The following ADAMTS6 variants were observed in gnomAD, a reference collection of about 807,000 sequenced individuals.
ADAMTS6 encodes ADAM metallopeptidase with thrombospondin type 1 motif 6.
In ADAMTS6, 23 loss-of-function variants were observed where a neutral mutation model predicts 144.3. That is an observed-to-expected ratio of 0.16 (90% CI 0.11 to 0.23). ADAMTS6 has a LOEUF of 0.23. ADAMTS6 is among the 10% of genes least tolerant of loss of function. The pLI, the probability that ADAMTS6 is intolerant of heterozygous loss-of-function variation, is 1.00. For missense variants in ADAMTS6, 999 were observed against 1,379.6 expected (o/e 0.72, Z 4.37); for synonymous variants, 444 against 457.5 (o/e 0.97, Z 0.38).
intron 20 of ADAMTS6, chr5:65,211,061 A>G (rs1044934555): frequency 6.5e-6 from 1 of 154,068 alleles, no homozygotes; most frequent in African/African-American, 2.4e-5. Flanking sequence ...GACTTCTTGA[A>G]GGGTTTCTTA....
intron 14 of ADAMTS6, among the ~76,000 whole-genome samples, chr5:65,252,089 C>A (rs1418916333): frequency 6.6e-6 from 1 of 151,936 alleles, no homozygotes; most frequent in Non-Finnish European, 1.5e-5. Flanking sequence ...TTAACCTAAG[C>A]AAAAAAGAGT....
intron 7 of ADAMTS6, among the ~76,000 whole-genome samples, chr5:65,402,964 C>A (rs1198206072): frequency 6.6e-6 from 1 of 152,014 alleles, no homozygotes; most frequent in Non-Finnish European, 1.5e-5. Flanking sequence ...ACTTCCTTTT[C>A]TTCCTTTTTT....
chr5:65,279,226 T>C (rs1379446160), intron 11 of ADAMTS6, among the ~76,000 whole-genome samples: 2 of 152,192 alleles, frequency 1.3e-5, no homozygotes, highest in Non-Finnish European at 1.5e-5. Flanking sequence ...ATTACAGGCA[T>C]GAGCCACCGT....
chr5:65,285,337 C>CG (rs1763280717), intron 11 of ADAMTS6, among the ~76,000 whole-genome samples: 1 of 152,112 alleles, frequency 6.6e-6, no homozygotes, highest in Non-Finnish European at 1.5e-5. Flanking sequence ...CACAGGCTCT[C>CG]GGTCTTCCCA....
chr5:65,446,619 C>A (rs1167649109), intron 7 of ADAMTS6, among the ~76,000 whole-genome samples: 1 of 151,962 alleles, frequency 6.6e-6, no homozygotes, highest in African/African-American at 2.4e-5. Context: ...AGAATTTAGG[C>A]CAATAAGAGG....
At chr5:65,352,516 G>GT (rs1403629311) in intron 7 of ADAMTS6, among the ~76,000 whole-genome samples, 1 of 151,696 alleles carries the variant, frequency 6.6e-6, no homozygotes, top group African/African-American at 2.4e-5. Context: ...TAATACTTCG[G>GT]TAAAAAAAAA....
At chr5:65,261,944 T>G (rs1761230920) in intron 13 of ADAMTS6, among the ~76,000 whole-genome samples, 2 of 133,380 alleles carry the variant, frequency 1.5e-5, no homozygotes, top group Admixed American at 1.6e-4. Context: ...TATTTCAGAA[T>G]GAGAAAAAAA....
intron 11 of ADAMTS6, among the ~76,000 whole-genome samples, chr5:65,282,099 C>T (rs1448923450): frequency 6.6e-5 from 10 of 151,968 alleles, no homozygotes; most frequent in East Asian, 1.9e-4. Context: ...TTTATTGTGT[C>T]GGCAAAAAAG....
chr5:65,376,554 C>T lies in ADAMTS6; in HGVS notation c.1074-42469G>A, dbSNP rs187215729. Among the ~76,000 whole-genome samples the T allele has an allele frequency of 1.4e-4, 22 of 152,136 alleles. No individual in the cohort carries two copies. In the East Asian group the frequency reaches 4.1e-3, roughly 28 times the overall value. On this transcript the variant is annotated intron_variant, in intron 7 of 24. Transcript: ENST00000381055. ...TGCACTTAAAACAGCTTTACAGGCC[C>T]GGCATGGTGGCTCATGCCTGTAATC...
chr5:65,215,056 A>C, intron 19 of ADAMTS6, 124 bp from the exon 20 acceptor site: 1 of 1,229,544 alleles, frequency 8.1e-7, no homozygotes, highest in Non-Finnish European at 1.1e-6. Context: ...TATAAAACAC[A>C]TGCATTTATA....
intron 14 of ADAMTS6, among the ~76,000 whole-genome samples, chr5:65,249,158 G>A (rs1759923438): frequency 6.6e-6 from 1 of 152,068 alleles, no homozygotes. Flanking sequence ...CTCTAAAAGT[G>A]ATAAACTGGC....
intron 4 of ADAMTS6, among the ~76,000 whole-genome samples, chr5:65,456,892 GA>G (rs899993658): frequency 6.6e-6 from 1 of 152,028 alleles, no homozygotes; most frequent in African/African-American, 2.4e-5. Context: ...AATTAGAATA[GA>G]AAAAAATAAT....
intron 9 of ADAMTS6, among the ~76,000 whole-genome samples, chr5:65,303,358 C>A (rs1743619769): frequency 6.6e-6 from 1 of 151,982 alleles, no homozygotes; most frequent in Non-Finnish European, 1.5e-5. Context: ...ATGCTGAAAT[C>A]CTGCCTCATT....
chr5:65,439,917 G>A (rs893944233), intron 7 of ADAMTS6, among the ~76,000 whole-genome samples: 1 of 152,154 alleles, frequency 6.6e-6, no homozygotes, highest in Non-Finnish European at 1.5e-5. Context: ...CAATTCTTGT[G>A]CTTCAGTCTC....
intron 14 of ADAMTS6, chr5:65,256,323 T>C (rs1433830412): frequency 6.6e-6 from 1 of 152,192 alleles, no homozygotes. Context: ...AGTGCTAGTG[T>C]AGATTAGGTA....
Position 65,224,359 on chromosome 5 carries a change from T to A in ADAMTS6, c.2233A>T (p.Ile745Phe), listed in dbSNP as rs757161626. ...VVQIPRGSVHIEVREVAMSKN... is the reference protein window; with the variant it reads ...VVQIPRGSVHFEVREVAMSKN... Reference sequence around the variant, plus strand: ...GACATGGCAACTTCTCTAACTTCAATGTGAACAGAGCCTCTTGGTATCTGC... The same window carrying A: ...GACATGGCAACTTCTCTAACTTCAAAGTGAACAGAGCCTCTTGGTATCTGC... Residue 745 changes from isoleucine to phenylalanine, a missense_variant, in exon 18 of 25, where the codon ATT becomes TTT. By Grantham distance (21) the Ile-to-Phe change is conservative. Transcript: ENST00000381055. 3.1e-6 allele frequency: 5 copies of A among 1,614,140 alleles called. No homozygotes were observed. The highest frequency in any genetic ancestry group is 1.1e-5 in the South Asian group (1 of 91,086).
At position 65,239,466 on chromosome 5, in the gene ADAMTS6, C is replaced by T. The variant is rs78617763; in HGVS notation, c.1933+2638G>A. ...AAACAATAAGACTTTTGGAAGAAAA[C>T]ATATGAAAATATTTTCTTAAGTTGA... On this transcript the variant is annotated intron_variant, in intron 15 of 24. Coordinates refer to ENST00000381055, the MANE Select transcript of ADAMTS6 (RefSeq NM_197941.4). Among the ~76,000 whole-genome samples the T allele has an allele frequency of 7.2e-3, 1,090 of 152,028 alleles. 17 individuals carry two copies. The highest frequency in any genetic ancestry group is 0.024 in the African/African-American group (1,010 of 41,468).
intron 7 of ADAMTS6, among the ~76,000 whole-genome samples, chr5:65,370,459 C>T (rs1451028872): frequency 5.9e-5 from 9 of 152,264 alleles, no homozygotes; most frequent in East Asian, 1.9e-4. Flanking sequence ...ATTGCCTCAC[C>T]TGGGAAGCGC....
At position 65,333,997 on chromosome 5, in the gene ADAMTS6, T is replaced by C. The variant is rs1207051182; in HGVS notation, c.1117+45A>G. ...ACAATCAGAACCATTCTACCTTTAT[T>C]AAAAAAAAAAAAAAAAAAAAAAAAA... On this transcript the variant is annotated intron_variant, in intron 8 of 24. Coordinates refer to ENST00000381055, the MANE Select transcript of ADAMTS6 (RefSeq NM_197941.4). 8.3e-6 allele frequency: 7 copies of C among 841,056 alleles called. No homozygotes were observed. In the South Asian group the frequency reaches 2.2e-4, roughly 27 times the overall value. The allele number at this position is 841,056 out of a possible 1,614,324, so 52.1% of individuals were successfully genotyped here. A position where few individuals can be genotyped will look rare whatever the true frequency, so the allele number is the denominator to read the frequency against.
Sources: gnomAD v4.1 joint callset for allele counts (sites outside exome capture counted in the v4.1 genomes callset) on GRCh38, gnomAD v4.1.1 for gene constraint, MANE v1.5 for transcripts, NCBI Gene and HGNC (gene_info 2026-07-23, HGNC 2026-07-21) for gene names.